The following SORT1 variants were observed in gnomAD, a reference collection of about 807,000 sequenced individuals.
SORT1 encodes the protein sortilin 1.
SORT1 carries 39 observed loss-of-function variants against 101.7 expected under a neutral mutation model. The observed-to-expected ratio is 0.38, with a 90% CI of 0.30 to 0.50. The LOEUF is 0.50. SORT1 is among the 20% of genes least tolerant of loss of function. The probability of loss-of-function intolerance (pLI) is 0.90; values close to 1 mark genes in which losing one functional copy is unlikely to be tolerated. For synonymous variants in SORT1, 396 were observed against 393.7 expected, an observed-to-expected ratio of 1.01 and a Z score of -0.07; for missense variants, 878 against 1,040.4, an observed-to-expected ratio of 0.84 and a Z score of 2.15.
At position 109,327,527 on chromosome 1, in the gene SORT1, C is replaced by T. The variant is rs752486193; in HGVS notation, c.1446G>A (p.Pro482=). The change falls in exon 12 of 20, where the codon CCG becomes CCA. Residue 482 remains proline, a synonymous_variant. Transcript: ENST00000256637. ...LNVPMAPLSE[P]NAVGIVIAHG... is the part of the protein sequence containing the mutation. ...GAGCAATGACAATGCCTACGGCATTCGGCTCTGAGAGTGGGGCCATTGGAA... is the reference window on the plus strand; with the variant it reads ...GAGCAATGACAATGCCTACGGCATTTGGCTCTGAGAGTGGGGCCATTGGAA... The T allele has an allele frequency of 1.4e-5, 23 of 1,610,810 alleles. No individual in the cohort carries two copies. The highest frequency in any genetic ancestry group is 1.9e-5 in the Non-Finnish European group (22 of 1,178,490).
intron 11 of SORT1, among the ~76,000 whole-genome samples, chr1:109,330,738 AAAAAG>A (rs1352389980): frequency 6.6e-6 from 1 of 152,104 alleles, no homozygotes; most frequent in Non-Finnish European, 1.5e-5. Context: ...AGAATAAGAA[AAAAAG>A]AAAAGACTCA....
chr1:109,369,739 G>C (rs767734460), intron 1 of SORT1, 150 bp from the exon 2 acceptor site: 41 of 635,794 alleles, frequency 6.4e-5, no homozygotes, highest in Admixed American at 3.2e-4. Context: ...ATTTGGGAGG[G>C]ATGGGATTTA....
At chr1:109,325,232 T>A (rs1227660152) in intron 13 of SORT1, 143 bp from the exon 14 acceptor site, 16 of 13,658 alleles carry the variant, frequency 1.2e-3, no homozygotes, top group Non-Finnish European at 3.3e-3. Context: ...TTATTTTAAC[T>A]TTTTTTTTTT....
intron 1 of SORT1, among the ~76,000 whole-genome samples, chr1:109,382,607 A>T (rs1652312310): frequency 6.6e-6 from 1 of 152,150 alleles, no homozygotes. Context: ...TCCTTTTCAG[A>T]GTCACATTCA....
rs1392655826 is a variant in SORT1, at chr1:109,397,807, G to C, written c.86C>G (p.Pro29Arg). Residue 29 changes from proline to arginine, a missense_variant, in exon 1 of 20, where the codon CCG becomes CGG. Physicochemically the swap from Pro to Arg is moderately radical, Grantham distance 103. This residue lies in a region of SORT1 where 194 missense variants were observed against 145.9 expected (regional missense o/e 1.33). Transcript: ENST00000256637. ...GLLLLLQLLP[P>R]STLSQDRLDA... ...CAGCCGGTCCTGGCTGAGGGTCGAC[G>C]GCGGCAGCAGCTGCAGGAGGAGGAG... 7.8e-6 allele frequency: 10 copies of C among 1,277,686 alleles called. No homozygotes were observed. Among genetic ancestry groups the C allele is most frequent in the Non-Finnish European group, 1.0e-5 (10 of 1,004,342 alleles). 79.1% of individuals were successfully genotyped at this position (1,277,686 alleles called of 1,614,324 possible).
At position 109,309,724 on chromosome 1, in the gene SORT1, G is replaced by C. The variant is rs1658605420; in HGVS notation, c.*4319C>G. ...TTTCCATTTTGTGGAATTTTATCAT[G>C]GGGTCTGGCTTTAATGTGTAACTGA... On this transcript the variant is annotated 3_prime_UTR_variant, in exon 20 of 20. Coordinates refer to ENST00000256637, the MANE Select transcript of SORT1 (RefSeq NM_002959.7). 6.6e-6 allele frequency: 1 copy of C among 152,134 alleles called. No homozygotes were observed. The highest frequency in any genetic ancestry group is 1.5e-5 in the Non-Finnish European group (1 of 68,010). 9.4% of individuals were successfully genotyped at this position (152,134 alleles called of 1,614,324 possible).
chr1:109,393,239 C>T (rs1018083865), intron 1 of SORT1: 1 of 985,382 alleles, frequency 1.0e-6, no homozygotes, highest in Middle Eastern at 5.2e-4. Flanking sequence ...TTTAAGGAAC[C>T]AGATGCTTTA....
intron 3 of SORT1, among the ~76,000 whole-genome samples, chr1:109,360,969 G>A (rs11804560): frequency 0.023 from 3,443 of 152,286 alleles, 137 homozygotes; most frequent in African/African-American, 0.079. Context: ...CAGTTTTCCT[G>A]TTGGGGTGAC....
In SORT1 at chr1:109,367,231, A is replaced by AAACAAC. The variant is rs368734568; in HGVS notation, c.440+171_440+176dup. On this transcript the variant is annotated intron_variant, in intron 3 of 19. Transcript: ENST00000256637. ...GACAAGAGTGAGACCCTGTCTCAAA[A>AAACAAC]AACAACAACAACAACAACAACAAAA... 18 of 510,852 alleles carry AAACAAC rather than the reference A, an allele frequency of 3.5e-5. No individual in the cohort carries two copies. The Middle Eastern group carries it at 8.7e-4, about 25-fold the overall frequency. 31.6% of individuals were successfully genotyped at this position (510,852 alleles called of 1,614,324 possible).
intron 11 of SORT1, among the ~76,000 whole-genome samples, chr1:109,327,949 A>G (rs937041372): frequency 5.3e-5 from 8 of 152,224 alleles, no homozygotes; most frequent in East Asian, 1.9e-4. Flanking sequence ...GGTAGCTCAT[A>G]TAAGTAGAAT....
intron 1 of SORT1, among the ~76,000 whole-genome samples, chr1:109,372,379 T>C (rs1438508893): frequency 1.3e-5 from 2 of 152,222 alleles, no homozygotes; most frequent in African/African-American, 4.8e-5. Context: ...ACACACAGCA[T>C]AGTGCACAGT....
chr1:109,365,063 C>T (rs1650990025), intron 3 of SORT1, among the ~76,000 whole-genome samples: 1 of 152,130 alleles, frequency 6.6e-6, no homozygotes, highest in Non-Finnish European at 1.5e-5. Context: ...TATGATACAA[C>T]ATCAAAGGGG....
At chr1:109,374,398 T>C (rs547445764) in intron 1 of SORT1, among the ~76,000 whole-genome samples, 14 of 150,880 alleles carry the variant, frequency 9.3e-5, no homozygotes, top group Non-Finnish European at 1.9e-4. Flanking sequence ...CATGGTAAAA[T>C]CCCGTCTCCA....
intron 11 of SORT1, among the ~76,000 whole-genome samples, chr1:109,329,012 G>T (rs909743824): frequency 6.6e-6 from 1 of 152,032 alleles, no homozygotes; most frequent in Non-Finnish European, 1.5e-5. Flanking sequence ...TCCACTGCCA[G>T]GCCTGCCGCA....
chr1:109,335,116 G>A (rs570416504), intron 11 of SORT1, among the ~76,000 whole-genome samples: 218 of 152,252 alleles, frequency 1.4e-3, no homozygotes, highest in African/African-American at 5.2e-3. Flanking sequence ...GGTGTTCAGG[G>A]AATGGCAGGG....
intron 19 of SORT1, 33 bp from the exon 20 acceptor site, chr1:109,314,090 C>T: frequency 6.2e-7 from 1 of 1,613,724 alleles, no homozygotes; most frequent in East Asian, 2.2e-5. Context: ...TACCGACAGA[C>T]CACAACACTC....
chr1:109,385,736 T>C (rs537125871), intron 1 of SORT1, among the ~76,000 whole-genome samples: 170 of 152,342 alleles, frequency 1.1e-3, no homozygotes, highest in Non-Finnish European at 2.0e-3. Flanking sequence ...TCTCTCTGCC[T>C]GAGATACTCT....
chr1:109,331,559 C>A (rs553167626), intron 11 of SORT1, among the ~76,000 whole-genome samples: 1 of 151,880 alleles, frequency 6.6e-6, no homozygotes, highest in South Asian at 2.1e-4. Context: ...GTGACAAGCC[C>A]ACAGCTAACA....
At chr1:109,393,384 G>C (rs1653024320) in intron 1 of SORT1, 1 of 834,034 alleles carries the variant, frequency 1.2e-6, no homozygotes, top group African/African-American at 1.8e-5. Context: ...ATTGTCAAAT[G>C]GTCTGTACAC....
Sources: gnomAD v4.1 joint callset for allele counts (sites outside exome capture counted in the v4.1 genomes callset) on GRCh38, gnomAD v4.1.1 for gene constraint, gnomAD v4.1.1 regional missense constraint, MANE v1.5 for transcripts, NCBI Gene and HGNC (gene_info 2026-07-23, HGNC 2026-07-21) for gene names.